The following LCN6 variants were observed in gnomAD, a reference collection of about 807,000 sequenced individuals.
The protein encoded by LCN6 is lipocalin 6.
LCN6 carries 20 observed loss-of-function variants against 21.4 expected under a neutral mutation model. That is an observed-to-expected ratio of 0.93 (90% CI 0.66 to 1.36). LCN6 has a LOEUF of 1.36. Among genes scored for constraint, LCN6 ranks in the 40% most tolerant of loss-of-function variants. The pLI, the probability that LCN6 is intolerant of heterozygous loss-of-function variation, is 0.00. For synonymous variants in LCN6, 96 were observed against 89.0 expected (o/e 1.08, Z -0.44); for missense variants, 217 against 206.6 (o/e 1.05, Z -0.31).
At chr9:136,748,286 C>G in intron 1 of LCN6, 108 bp downstream of exon 1, 1 of 956,452 alleles carries the variant, frequency 1.0e-6, no homozygotes, top group Non-Finnish European at 1.6e-6. Flanking sequence ...TAATTCCCCA[C>G]TGCTCATGCT....
Position 136,748,123 on chromosome 9 carries a change from C to A in LCN6, c.90+271G>T, listed in dbSNP as rs116320919. ...CTCCAGCCCTACAGCCTCCAGCCCT[C>A]CAGCCTCCAGTTCTCCAACCCTACA... On this transcript the variant is annotated intron_variant, in intron 1 of 6. Transcript: ENST00000341206. Among the ~76,000 whole-genome samples the A allele has an allele frequency of 2.0e-3, 307 of 151,944 alleles. 3 individuals are homozygous for A. Among genetic ancestry groups the A allele is most frequent in the African/African-American group, 6.6e-3 (275 of 41,434 alleles).
intron 4 of LCN6, 28 bp downstream of exon 4, chr9:136,745,142 C>T: frequency 7.9e-7 from 1 of 1,267,526 alleles, no homozygotes; most frequent in Non-Finnish European, 1.1e-6. Context: ...ACACAGCTCC[C>T]TACGTGGGCC....
chr9:136,747,858 T>A (rs1847069517), intron 1 of LCN6, among the ~76,000 whole-genome samples: 1 of 131,584 alleles, frequency 7.6e-6, no homozygotes, highest in Non-Finnish European at 1.7e-5. Flanking sequence ...TCTCCAGCCC[T>A]CCAGCCTCCA....
chr9:136,748,383 G>A lies in LCN6; in HGVS notation c.90+11C>T, dbSNP rs1478589220. 2 of 1,607,952 alleles carry A rather than the reference G, an allele frequency of 1.2e-6. No homozygotes were observed. The highest frequency in any genetic ancestry group is 3.4e-5 in the Admixed American group (2 of 59,420). On this transcript the variant is annotated intron_variant, in intron 1 of 6. Coordinates refer to ENST00000341206, the MANE Select transcript of LCN6 (RefSeq NM_198946.3). ...GAGGACCAGCTCTCCCCACCCCCAGGAGGACTGTACCTGCTCAGGGTCCAG... is the reference window on the plus strand; with the variant it reads ...GAGGACCAGCTCTCCCCACCCCCAGAAGGACTGTACCTGCTCAGGGTCCAG...
At chr9:136,745,655 T>G (rs898815399) in intron 3 of LCN6, 189 bp downstream of exon 3, 5 of 634,940 alleles carry the variant, frequency 7.9e-6, no homozygotes, top group Non-Finnish European at 1.1e-5. Context: ...CTGAGCCTGC[T>G]GGGAACAAGG....
At position 136,748,180 on chromosome 9, in the gene LCN6, C is replaced by T. The variant is rs559904601; in HGVS notation, c.90+214G>A. Reference sequence around the variant, plus strand: ...AGCCCTGCAACCTCCAGTCTCCAGCCTCCAATTCTCCAGCCCTCCAGCCTC... The same window carrying T: ...AGCCCTGCAACCTCCAGTCTCCAGCTTCCAATTCTCCAGCCCTCCAGCCTC... On this transcript the variant is annotated intron_variant, in intron 1 of 6. Coordinates refer to ENST00000341206, the MANE Select transcript of LCN6 (RefSeq NM_198946.3). Among the ~76,000 whole-genome samples, 333 of 152,150 alleles carry T rather than the reference C, an allele frequency of 2.2e-3. 1 individual carries two copies. The highest frequency in any genetic ancestry group is 7.8e-3 in the African/African-American group (324 of 41,530).
Position 136,747,739 on chromosome 9 carries a change from G to C in LCN6, c.91-176C>G, listed in dbSNP as rs1325026282. ...CTCCAGCCTCCAGCCTTCCAGCCCT[G>C]CAGCCTCCAGCCTCCACCCTCCAAC... On this transcript the variant is annotated intron_variant, in intron 1 of 6. Coordinates refer to ENST00000341206, the MANE Select transcript of LCN6 (RefSeq NM_198946.3). Among the ~76,000 whole-genome samples the C allele has an allele frequency of 1.2e-3, 74 of 59,592 alleles. 1 individual carries two copies. The highest frequency in any genetic ancestry group is 5.9e-3 in the African/African-American group (59 of 9,982). The allele number at this position is 59,592 out of a possible 152,430, so 39.1% of individuals were successfully genotyped here.
At chr9:136,747,115 C>A in intron 2 of LCN6, 1 of 341,644 alleles carries the variant, frequency 2.9e-6, no homozygotes, top group Admixed American at 4.5e-5. Flanking sequence ...ACAGGCTTCC[C>A]CAGCTCTGAC....
At position 136,744,855 on chromosome 9, in the gene LCN6, G is replaced by GCA; in HGVS notation, c.413-115_413-114insTG. 3.8e-6 allele frequency: 3 copies of GCA among 787,990 alleles called. No individual in the cohort carries two copies. In the Admixed American group the frequency reaches 6.5e-5, roughly 17 times the overall value. 48.8% of individuals were successfully genotyped at this position (787,990 alleles called of 1,614,324 possible). On this transcript the variant is annotated intron_variant, in intron 4 of 6. Transcript: ENST00000341206. This position sits in a 1 kb window ranked among gnomAD's most constrained non-coding sequence, Gnocchi z 4.2. ...CACCTGCCCTGGGATGCTGGCCCCGGTCCTTCCAAAGCCACCTCCAGTGCA... is the reference window on the plus strand; with the variant it reads ...CACCTGCCCTGGGATGCTGGCCCCGGCATCCTTCCAAAGCCACCTCCAGTGCA...
rs776069211 is a variant in LCN6, at chr9:136,745,874, G to A, written c.271C>T (p.Arg91Ter). The A allele has an allele frequency of 8.1e-6, 13 of 1,613,680 alleles. No homozygotes were observed. Among genetic ancestry groups the A allele is most frequent in the East Asian group, 6.7e-5 (3 of 44,882 alleles). The part of the protein sequence containing the change: ...CDQSVMDLIK[R>*]NSGWVFENPS... ...TTCTCAAACACCCATCCGGAGTTTC[G>A]CTTTATCAGGTCCATGACACTCTGG... is the stretch of plus-strand genomic sequence containing the variant. The change falls in exon 3 of 7, where the codon CGA becomes TGA. Residue 91 changes from arginine (R) to a stop codon, truncating the protein, a stop_gained. Coordinates refer to ENST00000341206, the MANE Select transcript of LCN6 (RefSeq NM_198946.3). LOFTEE classifies it high-confidence loss of function.
chr9:136,744,652 G>T lies in LCN6; in HGVS notation c.*10C>A. 2.5e-6 allele frequency: 4 copies of T among 1,601,646 alleles called. No homozygotes were observed. The highest frequency in any genetic ancestry group is 3.4e-6 in the Non-Finnish European group (4 of 1,171,328). ...GGTGGACACTCACGGTCCTTCTGCA[G>T]CTGGGCCTGCTACTGTGACAGGAAG... On this transcript the variant is annotated 3_prime_UTR_variant, in exon 5 of 7. Coordinates refer to ENST00000341206, the MANE Select transcript of LCN6 (RefSeq NM_198946.3). The surrounding 1 kb of genome is among the most constrained non-coding windows in gnomAD (Gnocchi z 4.2).
At chr9:136,747,651 CAAACCT>C (rs1847061574) in intron 1 of LCN6, 88 bp from the exon 2 acceptor site, 2 of 970,650 alleles carry the variant, frequency 2.1e-6, no homozygotes, top group African/African-American at 5.1e-5. Flanking sequence ...CTCCAGCCTC[CAAACCT>C]CCAGCCTCAG....
rs1450063128 is a variant in LCN6, at chr9:136,744,806, G to A, written c.413-65C>T. The stretch of plus-strand genomic sequence containing the variant: ...AGAGCTGGGGAGGGGCCGGGGAGGG[G>A]CTGGGAAGGGTCAGGAAGGAGGCCA... On this transcript the variant is annotated intron_variant, in intron 4 of 6. Coordinates refer to ENST00000341206, the MANE Select transcript of LCN6 (RefSeq NM_198946.3). The surrounding 1 kb of genome is among the most constrained non-coding windows in gnomAD (Gnocchi z 4.2). 2 of 1,173,290 alleles carry A rather than the reference G, an allele frequency of 1.7e-6. No individual in the cohort carries two copies. The highest frequency in any genetic ancestry group is 3.0e-5 in the African/African-American group (2 of 66,460). The allele number at this position is 1,173,290 out of a possible 1,614,324, so 72.7% of individuals were successfully genotyped here.
At position 136,744,625 on chromosome 9, in the gene LCN6, C is replaced by A. The variant is rs369365291; in HGVS notation, c.*22+15G>T. The A allele has an allele frequency of 2.8e-5, 44 of 1,547,820 alleles. No individual in the cohort carries two copies. The African/African-American group carries it at 5.5e-4, about 20-fold the overall frequency. The stretch of plus-strand genomic sequence containing the variant: ...GCCCCAAGCCTCCCCCGAGGCTGCT[C>A]CGGTGGACACTCACGGTCCTTCTGC... On this transcript the variant is annotated intron_variant, in intron 5 of 6. Transcript: ENST00000341206. This position sits in a 1 kb window ranked among gnomAD's most constrained non-coding sequence, Gnocchi z 4.2.
At position 136,744,790 on chromosome 9, in the gene LCN6, G is replaced by C. The variant is rs1486136854; in HGVS notation, c.413-49C>G. 7.7e-7 allele frequency: 1 copy of C among 1,290,442 alleles called. No homozygotes were observed. Among genetic ancestry groups the C allele is most frequent in the Non-Finnish European group, 1.1e-6 (1 of 901,816 alleles). 79.9% of individuals were successfully genotyped at this position (1,290,442 alleles called of 1,614,324 possible). A position where few individuals can be genotyped will look rare whatever the true frequency, so the allele number is the denominator to read the frequency against. On this transcript the variant is annotated intron_variant, in intron 4 of 6. Coordinates refer to ENST00000341206, the MANE Select transcript of LCN6 (RefSeq NM_198946.3). This position sits in a 1 kb window ranked among gnomAD's most constrained non-coding sequence, Gnocchi z 4.2. ...GGGGAAGCAACCTCTGAGAGCTGGG[G>C]AGGGGCCGGGGAGGGGCTGGGAAGG... is the stretch of plus-strand genomic sequence containing the variant.
chr9:136,744,464 A>G lies in LCN6; in HGVS notation c.*23-100T>C. 1.9e-6 allele frequency: 1 copy of G among 521,228 alleles called. No homozygotes were observed. The highest frequency in any genetic ancestry group is 2.9e-5 in the East Asian group (1 of 34,958). 32.3% of individuals were successfully genotyped at this position (521,228 alleles called of 1,614,324 possible). A position where few individuals can be genotyped will look rare whatever the true frequency, so the allele number is the denominator to read the frequency against. On this transcript the variant is annotated intron_variant, in intron 5 of 6. Transcript: ENST00000341206. This position sits in a 1 kb window ranked among gnomAD's most constrained non-coding sequence, Gnocchi z 4.2. ...CGCCTGCCGTGGGGACAAGACCCCC[A>G]GGCCTGACTTTGGGCAGGGGCAGGT...
chr9:136,747,623 C>T, intron 1 of LCN6, 60 bp from the exon 2 acceptor site: 1 of 1,578,480 alleles, frequency 6.3e-7, no homozygotes, highest in Non-Finnish European at 8.5e-7. Context: ...CTCCAGCCTC[C>T]AACCCTCCAG....
In LCN6 at chr9:136,744,507, G is replaced by T; in HGVS notation, c.*22+133C>A. 1 of 589,436 alleles carries T rather than the reference G, an allele frequency of 1.7e-6. No homozygotes were observed. The allele number at this position is 589,436 out of a possible 1,614,324, so 36.5% of individuals were successfully genotyped here. The stretch of plus-strand genomic sequence containing the variant: ...GGGCAGGTGAAGACCCCCTCAGCCT[G>T]CCTGACTCCTTCAGGGCGACTGAGT... On this transcript the variant is annotated intron_variant, in intron 5 of 6. Coordinates refer to ENST00000341206, the MANE Select transcript of LCN6 (RefSeq NM_198946.3). The surrounding 1 kb of genome is among the most constrained non-coding windows in gnomAD (Gnocchi z 4.2).
chr9:136,747,787 TCTCCAACCCTCCCGCCCTCCAGC>T (rs1847067556), intron 1 of LCN6, among the ~76,000 whole-genome samples: 1 of 66,316 alleles, frequency 1.5e-5, no homozygotes, highest in Non-Finnish European at 2.8e-5. Flanking sequence ...CAGCCTCCAG[TCTCCAACCCTCCCGCCCTCCAGC>T]CTCCAACCTT....
Sources: gnomAD v4.1 joint callset for allele counts (sites outside exome capture counted in the v4.1 genomes callset) on GRCh38, gnomAD v4.1.1 for gene constraint, Gnocchi (gnomAD v3.1) non-coding constraint, MANE v1.5 for transcripts, NCBI Gene and HGNC (gene_info 2026-07-23, HGNC 2026-07-21) for gene names.